The following ATM variants were observed in gnomAD, a reference collection of about 807,000 sequenced individuals.
The protein encoded by ATM is serine-protein kinase ATM.
A neutral mutation model predicts 387.0 loss-of-function variants in ATM; 308 were observed. The ratio of observed to expected loss-of-function variants is 0.80; its 90% CI spans 0.73 to 0.87. The LOEUF is 0.87. Among genes scored for constraint, ATM ranks in the 40% least tolerant of loss-of-function variants. ATM has a pLI of 0.00. For synonymous variants in ATM, 1,156 were observed against 1,187.3 expected (o/e 0.97, Z 0.54); for missense variants, 3,312 against 3,560.9 (o/e 0.93, Z 1.78).
chr11:108,319,040 G>A (rs1334538786), intron 43 of ATM, among the ~76,000 whole-genome samples: 1 of 152,004 alleles, frequency 6.6e-6, no homozygotes, highest in Non-Finnish European at 1.5e-5. Flanking sequence ...AGCTGGGCAA[G>A]GTAGCATGCA....
intron 59 of ATM, among the ~76,000 whole-genome samples, chr11:108,353,547 G>C (rs746050574): frequency 2.0e-5 from 3 of 152,114 alleles, no homozygotes; most frequent in Non-Finnish European, 4.4e-5. Context: ...TCTCTAGTTG[G>C]GTTAAGAAGT....
At chr11:108,355,049 G>C in intron 61 of ATM, 175 bp downstream of exon 61, 1 of 615,206 alleles carries the variant, frequency 1.6e-6, no homozygotes, top group Admixed American at 2.7e-5. Context: ...AAAAATACTG[G>C]TTTAGAAATG....
chr11:108,278,877 C>T (rs539835557), intron 22 of ATM, among the ~76,000 whole-genome samples: 16 of 152,120 alleles, frequency 1.1e-4, no homozygotes, highest in African/African-American at 3.9e-4. Context: ...AACATTCAGA[C>T]AATAGCAGAT....
At chr11:108,244,743 TG>T in intron 6 of ATM, 44 bp from the exon 7 acceptor site, 1 of 1,432,598 alleles carries the variant, frequency 7.0e-7, no homozygotes, top group Non-Finnish European at 9.8e-7. Context: ...TTGTACAGTT[TG>T]TTCCCCCTGT....
intron 56 of ATM, 41 bp from the exon 57 acceptor site, chr11:108,343,181 T>C: frequency 6.2e-7 from 1 of 1,611,694 alleles, no homozygotes; most frequent in Non-Finnish European, 8.5e-7. Flanking sequence ...TGCTCTTTAA[T>C]GGCCTTTTAA....
In ATM at chr11:108,365,407, A is replaced by C. The variant is rs587781630; in HGVS notation, c.9070A>C (p.Thr3024Pro). 5.6e-6 allele frequency: 9 copies of C among 1,614,210 alleles called. No homozygotes were observed. The highest frequency in any genetic ancestry group is 6.8e-6 in the Non-Finnish European group (8 of 1,180,046). The change falls in exon 63 of 63, where the codon ACT becomes CCT. Residue 3024 changes from threonine to proline, a missense_variant. Thr to Pro is a conservative substitution (Grantham distance 38, BLOSUM62 -1). Transcript: ENST00000675843. ...QEKLKGVEEG[T>P]VLSVGGQVNL... ...GAAACTGAAAGGAGTGGAAGAAGGCACTGTGCTCAGTGTTGGTGGACAAGT... is the reference window on the plus strand; with the variant it reads ...GAAACTGAAAGGAGTGGAAGAAGGCCCTGTGCTCAGTGTTGGTGGACAAGT...
At chr11:108,361,206 A>G in intron 61 of ATM, among the ~76,000 whole-genome samples, 1 of 100,538 alleles carries the variant, frequency 9.9e-6, no homozygotes, top group African/African-American at 3.9e-5. Context: ...AATTGCTTCA[A>G]AGAGAATAAA....
intron 16 of ATM, among the ~76,000 whole-genome samples, chr11:108,264,433 C>G (rs1023528752): frequency 7.2e-5 from 11 of 152,120 alleles, no homozygotes; most frequent in African/African-American, 1.9e-4. Flanking sequence ...ATTCAACAAC[C>G]CTTCATGCCA....
chr11:108,357,481 C>T (rs1363646725), intron 61 of ATM, among the ~76,000 whole-genome samples: 1 of 152,248 alleles, frequency 6.6e-6, no homozygotes, highest in Non-Finnish European at 1.5e-5. Context: ...TAGGCTCCAC[C>T]TCTGGGGGCA....
At chr11:108,331,411 T>C (rs764637908) in intron 50 of ATM, 33 bp from the exon 51 acceptor site, 1 of 1,604,744 alleles carries the variant, frequency 6.2e-7, no homozygotes, top group South Asian at 1.1e-5. Context: ...AAATACCTTG[T>C]TTCTTAATTT....
At chr11:108,347,483 T>C (rs1442467211) in intron 59 of ATM, 118 bp downstream of exon 59, 1 of 849,286 alleles carries the variant, frequency 1.2e-6, no homozygotes, top group Non-Finnish European at 1.9e-6. Flanking sequence ...GCAGTAAATA[T>C]TGGGTTTTTT....
intron 8 of ATM, among the ~76,000 whole-genome samples, chr11:108,247,874 G>A (rs566888073): frequency 1.3e-5 from 2 of 152,084 alleles, no homozygotes; most frequent in Admixed American, 6.5e-5. Context: ...GATTACAGGC[G>A]TGAGCCACCG....
intron 9 of ATM, 73 bp from the exon 10 acceptor site, chr11:108,250,628 T>C (rs2135312708): frequency 1.4e-6 from 2 of 1,439,524 alleles, no homozygotes; most frequent in Non-Finnish European, 1.9e-6. Context: ...AAGAGTACCA[T>C]GTCTATATAT....
chr11:108,247,956 T>C (rs994692448), intron 8 of ATM, among the ~76,000 whole-genome samples: 2 of 152,130 alleles, frequency 1.3e-5, no homozygotes, highest in Non-Finnish European at 2.9e-5. Context: ...CCCAATTCCC[T>C]GCATCTCCTA....
chr11:108,244,068 A>G lies in ATM; in HGVS notation c.612A>G (p.Gly204=), dbSNP rs878853527. The change falls in exon 6 of 63, where the codon GGA becomes GGG. Residue 204 remains glycine, a synonymous_variant. Coordinates refer to ENST00000675843, the MANE Select transcript of ATM (RefSeq NM_000051.4). Reference sequence around the variant, plus strand: ...AAGGATGCTGTTCTCAGACTGACGGATTAAATTCCAAATTTTTGGACTTTT... The same window carrying G: ...AAGGATGCTGTTCTCAGACTGACGGGTTAAATTCCAAATTTTTGGACTTTT... ...VTKGCCSQTD[G]LNSKFLDFFS... 6.2e-7 allele frequency: 1 copy of G among 1,613,806 alleles called. No homozygotes were observed. Among genetic ancestry groups the G allele is most frequent in the Admixed American group, 1.7e-5 (1 of 59,976 alleles).
rs771549673 is a variant in ATM at position 108,292,785 on chromosome 11, C to G, written c.4603C>G (p.Gln1535Glu). The G allele has an allele frequency of 6.2e-7, 1 of 1,613,748 alleles. No homozygotes were observed. Among genetic ancestry groups the G allele is most frequent in the Admixed American group, 1.7e-5 (1 of 59,992 alleles). The change falls in exon 30 of 63, where the codon CAG becomes GAG. Residue 1535 changes from glutamine to glutamate, a missense_variant. By Grantham distance (29) the Gln-to-Glu change is conservative (BLOSUM62 2). This residue lies in a region of ATM where 1,791 missense variants were observed against 1,804.5 expected (regional missense o/e 0.99). Coordinates refer to ENST00000675843, the MANE Select transcript of ATM (RefSeq NM_000051.4). ...CCTTGTGTATGAGCAGGTGGAGGTT[C>G]AGAAACAGGTAATTTTCTGACTCAT... Reference protein sequence around the residue: ...IPLVYEQVEVQKQVLDLLKYL... With the variant: ...IPLVYEQVEVEKQVLDLLKYL...
At chr11:108,229,063 T>C in intron 3 of ATM, 115 bp from the exon 4 acceptor site, 1 of 1,003,512 alleles carries the variant, frequency 1.0e-6, no homozygotes, top group South Asian at 1.5e-5. Flanking sequence ...GCTGATGTAG[T>C]AATCTAAGCA....
chr11:108,325,749 C>T (rs1360350818), intron 46 of ATM, among the ~76,000 whole-genome samples: 1 of 152,112 alleles, frequency 6.6e-6, no homozygotes, highest in East Asian at 1.9e-4. Flanking sequence ...CTTTTCTCAA[C>T]CTCAATTTCC....
chr11:108,227,948 G>C (rs2135016952), intron 3 of ATM, 60 bp downstream of exon 3: 1 of 1,395,218 alleles, frequency 7.2e-7, no homozygotes, highest in Non-Finnish European at 1.0e-6. Flanking sequence ...TATTTCTGTT[G>C]TGATATTACT....
Sources: allele counts gnomAD v4.1 joint callset (sites outside exome capture counted in the v4.1 genomes callset), GRCh38; gene constraint gnomAD v4.1.1; regional missense constraint gnomAD v4.1.1; transcripts MANE v1.5; gene names NCBI Gene and HGNC (gene_info 2026-07-23, HGNC 2026-07-21).